RBMS3: variants seen among roughly 807,000 people sequenced by gnomAD.
RBMS3 encodes RNA binding motif single stranded interacting protein 3, also known as RNA-binding motif, single-stranded-interacting protein 3.
Under a neutral mutation model 66.8 loss-of-function variants are expected in RBMS3, and 27 were observed. The observed-to-expected ratio is 0.40, with a 90% CI of 0.30 to 0.56. The LOEUF is 0.56. RBMS3 is among the 20% of genes least tolerant of loss of function. The pLI, the probability that RBMS3 is intolerant of heterozygous loss-of-function variation, is 0.40. For synonymous variants in RBMS3, 188 were observed against 183.0 expected, an observed-to-expected ratio of 1.03 and a Z score of -0.22; for missense variants, 513 against 549.5, an observed-to-expected ratio of 0.93 and a Z score of 0.66.
chr3:29,517,891 A>T (rs2044707337), intron 3 of RBMS3, among the ~76,000 whole-genome samples: 1 of 152,232 alleles, frequency 6.6e-6, no homozygotes, highest in Admixed American at 6.5e-5. Flanking sequence ...AAGTGAAGTC[A>T]CTGAATTTTC....
intron 6 of RBMS3, among the ~76,000 whole-genome samples, chr3:29,839,087 T>G (rs1338529569): frequency 6.6e-6 from 1 of 152,088 alleles, no homozygotes; most frequent in Non-Finnish European, 1.5e-5. Context: ...GCATAATGAG[T>G]GGATTGTTAA....
intron 10 of RBMS3, among the ~76,000 whole-genome samples, chr3:29,907,979 G>A (rs2060422992): frequency 6.6e-6 from 1 of 152,024 alleles, no homozygotes; most frequent in Non-Finnish European, 1.5e-5. Context: ...CCGGTGTGGT[G>A]ACTCAAGCCT....
intron 3 of RBMS3, among the ~76,000 whole-genome samples, chr3:29,505,506 G>GTTT (rs749285833): frequency 8.0e-4 from 86 of 107,266 alleles, no homozygotes; most frequent in African/African-American, 2.8e-3. Flanking sequence ...CTTCAATTTT[G>GTTT]TTTTTTTTTT....
At chr3:29,874,308 A>G (rs967063076) in intron 7 of RBMS3, among the ~76,000 whole-genome samples, 2 of 152,202 alleles carry the variant, frequency 1.3e-5, no homozygotes, top group African/African-American at 4.8e-5. Context: ...CTGAAGCACA[A>G]TTCCTAGAAA....
rs1296668772 is a variant in RBMS3, at chr3:29,488,451, A to T, written c.259A>T (p.Ile87Phe). The T allele has an allele frequency of 6.2e-7, 1 of 1,609,428 alleles. No individual in the cohort carries two copies. The change falls in exon 3 of 15, where the codon ATT becomes TTT. Residue 87 changes from isoleucine (I) to phenylalanine (F), a missense_variant. Transcript: ENST00000383767. ...LIKLCQPYGKIVSTKAILDKN... is the reference protein window; with the variant it reads ...LIKLCQPYGKFVSTKAILDKN... ...CTCTCTCTCTTTCAGGTATGGAAAA[A>T]TTGTATCTACAAAGGCAATTCTTGA...
intron 4 of RBMS3, among the ~76,000 whole-genome samples, chr3:29,600,763 G>C (rs1452184981): frequency 6.6e-6 from 1 of 151,976 alleles, no homozygotes; most frequent in East Asian, 1.9e-4. Flanking sequence ...TTTTTTGAAA[G>C]CATATTCAAT....
intron 3 of RBMS3, among the ~76,000 whole-genome samples, chr3:29,543,457 C>A (rs927192877): frequency 4.6e-5 from 7 of 152,102 alleles, no homozygotes; most frequent in African/African-American, 1.7e-4. Flanking sequence ...GCCTGTAATC[C>A]CAGCACTTTG....
At chr3:29,745,852 A>G (rs2054868084) in intron 5 of RBMS3, among the ~76,000 whole-genome samples, 1 of 151,644 alleles carries the variant, frequency 6.6e-6, no homozygotes, top group African/African-American at 2.4e-5. Context: ...CTGAATGTGC[A>G]AGTTTTCTAA....
chr3:29,548,803 G>A (rs1273363405), intron 3 of RBMS3, among the ~76,000 whole-genome samples: 1 of 151,584 alleles, frequency 6.6e-6, no homozygotes, highest in African/African-American at 2.4e-5. Flanking sequence ...AGTTTACCAA[G>A]CAAACTCTTA....
intron 3 of RBMS3, among the ~76,000 whole-genome samples, chr3:29,572,453 T>C (rs76585264): frequency 0.029 from 4,414 of 152,238 alleles, 98 homozygotes; most frequent in Non-Finnish European, 0.047. Context: ...CTATACCTAG[T>C]TTTTTGAGGG....
At position 29,997,541 on chromosome 3, in the gene RBMS3, C is replaced by G. The variant is rs551386920; in HGVS notation, c.1308-6315C>G. Among the ~76,000 whole-genome samples the G allele has an allele frequency of 4.3e-3, 643 of 150,634 alleles. 8 individuals are homozygous for G. The highest frequency in any genetic ancestry group is 0.015 in the African/African-American group (606 of 40,472). On this transcript the variant is annotated intron_variant, in intron 14 of 14. Coordinates refer to ENST00000383767, the MANE Select transcript of RBMS3 (RefSeq NM_001003793.3). Reference sequence around the variant, plus strand: ...TCAATAAAATACTGGCAAAACGAATCCAGCAGCACATCAAAAAGCTTATCC... The same window carrying G: ...TCAATAAAATACTGGCAAAACGAATGCAGCAGCACATCAAAAAGCTTATCC...
chr3:29,348,229 C>G (rs1013039440), intron 1 of RBMS3, among the ~76,000 whole-genome samples: 1 of 152,154 alleles, frequency 6.6e-6, no homozygotes, highest in African/African-American at 2.4e-5. Flanking sequence ...TTGTTTTCGT[C>G]TTGTTTCAAG....
chr3:29,782,004 A>T (rs550962757), intron 6 of RBMS3, among the ~76,000 whole-genome samples: 1 of 141,730 alleles, frequency 7.1e-6, no homozygotes, highest in Non-Finnish European at 1.5e-5. Flanking sequence ...GAAAGACTGA[A>T]CTCAGACATG....
chr3:29,340,435 G>A (rs1034555153), intron 1 of RBMS3, among the ~76,000 whole-genome samples: 3 of 152,072 alleles, frequency 2.0e-5, no homozygotes, highest in African/African-American at 7.2e-5. Flanking sequence ...TTTTAAAATT[G>A]TGTATTAAAA....
At chr3:29,804,267 T>G (rs2057474617) in intron 6 of RBMS3, among the ~76,000 whole-genome samples, 1 of 152,118 alleles carries the variant, frequency 6.6e-6, no homozygotes. Flanking sequence ...TACATAAATG[T>G]CAGTGTAGAA....
chr3:29,436,051 A>G (rs2041392663), intron 2 of RBMS3, among the ~76,000 whole-genome samples: 1 of 152,136 alleles, frequency 6.6e-6, no homozygotes, highest in Non-Finnish European at 1.5e-5. Flanking sequence ...ATATTAGAAC[A>G]TATATTTGTC....
At chr3:29,535,714 T>G (rs2045530636) in intron 3 of RBMS3, among the ~76,000 whole-genome samples, 1 of 125,306 alleles carries the variant, frequency 8.0e-6, no homozygotes, top group Admixed American at 7.9e-5. Flanking sequence ...ATTGCTCTTT[T>G]TTTTTTTTTT....
chr3:29,634,596 A>G (rs998781504), intron 4 of RBMS3, among the ~76,000 whole-genome samples: 1 of 151,910 alleles, frequency 6.6e-6, no homozygotes, highest in Non-Finnish European at 1.5e-5. Flanking sequence ...CTAGTTTCCC[A>G]CAGTGGTAAC....
chr3:29,921,520 A>C (rs886701351), intron 10 of RBMS3, among the ~76,000 whole-genome samples: 1 of 151,904 alleles, frequency 6.6e-6, no homozygotes, highest in African/African-American at 2.4e-5. Flanking sequence ...CTGGGGGTGC[A>C]GCAAAAATAG....
Sources: gnomAD v4.1 joint callset for allele counts (sites outside exome capture counted in the v4.1 genomes callset) on GRCh38, gnomAD v4.1.1 for gene constraint, MANE v1.5 for transcripts, NCBI Gene and HGNC (gene_info 2026-07-23, HGNC 2026-07-21) for gene names.